The following CCDC141 variants were observed in gnomAD, a reference collection of about 807,000 sequenced individuals.
CCDC141 encodes coiled-coil domain containing 141.
In CCDC141, 168 loss-of-function variants were observed where a neutral mutation model predicts 181.0. The ratio of observed to expected loss-of-function variants is 0.93; its 90% CI spans 0.82 to 1.05. The LOEUF (loss-of-function observed/expected upper bound fraction) is 1.05, where lower values mean the gene tolerates loss of function less well. Ranked by LOEUF, CCDC141 falls within the 50% of genes least tolerant of loss-of-function variation. The probability of loss-of-function intolerance (pLI) is 0.00; values close to 1 mark genes in which losing one functional copy is unlikely to be tolerated. For synonymous variants in CCDC141, 666 were observed against 642.3 expected, an observed-to-expected ratio of 1.04 and a Z score of -0.56; for missense variants, 1,902 against 1,788.5, an observed-to-expected ratio of 1.06 and a Z score of -1.14.
intron 2 of CCDC141, among the ~76,000 whole-genome samples, chr2:179,015,091 TATATATATATATA>T (rs1456315570): frequency 4.8e-5 from 2 of 42,032 alleles, no homozygotes; most frequent in African/African-American, 6.7e-5. Context: ...TATATATATA[TATATATATATATA>T]ATATATATAT....
chr2:178,991,288 C>G (rs753385514), intron 2 of CCDC141, among the ~76,000 whole-genome samples: 14 of 152,188 alleles, frequency 9.2e-5, no homozygotes, highest in Non-Finnish European at 7.4e-5. Flanking sequence ...CAGTACTTTC[C>G]TCCCATATAA....
At chr2:178,944,392 A>G (rs189268886) in intron 6 of CCDC141, 143 bp downstream of exon 6, 71 of 439,220 alleles carry the variant, frequency 1.6e-4, no homozygotes, top group Admixed American at 1.2e-4. Flanking sequence ...GTATTTGCTA[A>G]TGTTATTGGG....
intron 7 of CCDC141, among the ~76,000 whole-genome samples, chr2:178,907,854 C>A (rs977748201): frequency 6.6e-6 from 1 of 151,926 alleles, no homozygotes; most frequent in Non-Finnish European, 1.5e-5. Context: ...AAAAAATTAG[C>A]CAGGTGTGGT....
chr2:178,964,724 A>G (rs1018837045), intron 4 of CCDC141, among the ~76,000 whole-genome samples: 1 of 152,142 alleles, frequency 6.6e-6, no homozygotes, highest in Non-Finnish European at 1.5e-5. Flanking sequence ...CTAGCTATTT[A>G]TTCCATCAGT....
intron 4 of CCDC141, among the ~76,000 whole-genome samples, chr2:178,971,631 T>C (rs1690892038): frequency 6.6e-6 from 1 of 152,202 alleles, no homozygotes; most frequent in South Asian, 2.1e-4. Context: ...TGTATGTTTA[T>C]TGCGGTACTA....
intron 12 of CCDC141, among the ~76,000 whole-genome samples, chr2:178,872,644 A>G (rs1686171981): frequency 6.6e-6 from 1 of 152,216 alleles, no homozygotes; most frequent in Non-Finnish European, 1.5e-5. Context: ...GCGTATACCT[A>G]TACGCATTTT....
intron 2 of CCDC141, among the ~76,000 whole-genome samples, chr2:179,001,591 G>A (rs1465990109): frequency 6.6e-6 from 1 of 152,152 alleles, no homozygotes; most frequent in Non-Finnish European, 1.5e-5. Flanking sequence ...ATGGAGGGCT[G>A]TGCTAGATAG....
intron 2 of CCDC141, among the ~76,000 whole-genome samples, chr2:179,023,106 A>G (rs1022299720): frequency 1.3e-5 from 2 of 152,236 alleles, no homozygotes; most frequent in Non-Finnish European, 2.9e-5. Flanking sequence ...TGACCAGGGC[A>G]AATGACTGTA....
chr2:179,004,051 A>T (rs1160231091), intron 2 of CCDC141, among the ~76,000 whole-genome samples: 2 of 152,192 alleles, frequency 1.3e-5, no homozygotes, highest in Non-Finnish European at 2.9e-5. Context: ...ACTTGGCAAA[A>T]GTCTACATTG....
intron 6 of CCDC141, among the ~76,000 whole-genome samples, chr2:178,933,508 G>T (rs1162405561): frequency 6.6e-6 from 1 of 152,132 alleles, no homozygotes; most frequent in Non-Finnish European, 1.5e-5. Context: ...GTCACACCTT[G>T]AATAACAAGG....
chr2:178,946,552 A>C (rs1689740970), intron 5 of CCDC141, among the ~76,000 whole-genome samples: 1 of 152,152 alleles, frequency 6.6e-6, no homozygotes, highest in African/African-American at 2.4e-5. Context: ...TTTAATAGGG[A>C]CAGTTAATAT....
chr2:179,028,495 C>T, intron 2 of CCDC141, among the ~76,000 whole-genome samples: 1 of 152,194 alleles, frequency 6.6e-6, no homozygotes, highest in East Asian at 1.9e-4. Flanking sequence ...CACTGCTCCC[C>T]TGAAACTATT....
rs1232928625 is a variant in CCDC141, at chr2:178,857,121, C to A, written c.2725-724G>T. 2.6e-5 allele frequency among the ~76,000 whole-genome samples: 4 copies of A among 151,930 alleles called. No individual in the cohort carries two copies. In the East Asian group the frequency reaches 7.7e-4, roughly 29 times the overall value. Reference sequence around the variant, plus strand: ...TTTGAATTTATTTGATATCTTTTTTCCCATTCATTCTGTTTTCGATACACT... The same window carrying A: ...TTTGAATTTATTTGATATCTTTTTTACCATTCATTCTGTTTTCGATACACT... On this transcript the variant is annotated intron_variant, in intron 17 of 23. Transcript: ENST00000443758.
At chr2:178,991,657 C>CA (rs910256775) in intron 2 of CCDC141, among the ~76,000 whole-genome samples, 17 of 151,800 alleles carry the variant, frequency 1.1e-4, no homozygotes, top group African/African-American at 4.1e-4. Flanking sequence ...TTATATATTT[C>CA]AAAATAACTA....
Position 179,016,798 on chromosome 2 carries a change from G to GCC in CCDC141, c.225+30485_225+30486insGG, listed in dbSNP as rs550116596. 5.3e-3 allele frequency among the ~76,000 whole-genome samples: 800 copies of GCC among 152,152 alleles called. 5 individuals carry two copies. The highest frequency in any genetic ancestry group is 8.2e-3 in the Non-Finnish European group (557 of 67,998). ...AATTCTGGTTGAGGTTGGAAGGTGAGGTTTGGCATCAGGGTGGATGGTAAA... is the reference window on the plus strand; with the variant it reads ...AATTCTGGTTGAGGTTGGAAGGTGAGCCGTTTGGCATCAGGGTGGATGGTAAA... On this transcript the variant is annotated intron_variant, in intron 2 of 23. Transcript: ENST00000443758.
downstream of CCDC141, chr2:178,825,527 A>G (rs1684110085): frequency 6.6e-6 from 1 of 152,080 alleles, no homozygotes; most frequent in Non-Finnish European, 1.5e-5. Flanking sequence ...GTTAATGATC[A>G]AATTTGATTT....
chr2:178,992,257 T>A (rs1234130020), intron 2 of CCDC141, among the ~76,000 whole-genome samples: 5 of 151,742 alleles, frequency 3.3e-5, no homozygotes, highest in African/African-American at 1.2e-4. Flanking sequence ...CTGTATATTT[T>A]CAATTTTCAA....
intron 2 of CCDC141, among the ~76,000 whole-genome samples, chr2:179,028,018 T>A (rs2042902407): frequency 1.3e-5 from 2 of 152,160 alleles, no homozygotes; most frequent in Admixed American, 1.3e-4. Context: ...CTCTCATGGT[T>A]TCCTGAACTG....
chr2:178,850,114 T>G lies in CCDC141; in HGVS notation c.3292A>C (p.Lys1098Gln). ...KYIEKIVTKHKEVLESVTELC... is the reference protein window; with the variant it reads ...KYIEKIVTKHQEVLESVTELC... The stretch of plus-strand genomic sequence containing the variant: ...TCAGTCACAGATTCAAGAACCTCTT[T>G]GTGTTTTGTCACTATTTTCTCAATA... Residue 1098 changes from lysine (K) to glutamine (Q), a missense_variant, in exon 21 of 24, where the codon AAA (lysine) becomes CAA (glutamine). Coordinates refer to ENST00000443758, the MANE Select transcript of CCDC141 (RefSeq NM_173648.4). 6.2e-7 allele frequency: 1 copy of G among 1,612,016 alleles called. No homozygotes were observed. Among genetic ancestry groups the G allele is most frequent in the Non-Finnish European group, 8.5e-7 (1 of 1,178,644 alleles).
Sources: allele counts gnomAD v4.1 joint callset (sites outside exome capture counted in the v4.1 genomes callset), GRCh38; gene constraint gnomAD v4.1.1; transcripts MANE v1.5; gene names NCBI Gene and HGNC (gene_info 2026-07-23, HGNC 2026-07-21).